NKAIN3: variants seen among roughly 807,000 people sequenced by gnomAD.
The protein encoded by NKAIN3 is sodium/potassium transporting ATPase interacting 3, also known as sodium/potassium-transporting ATPase subunit beta-1-interacting protein 3.
NKAIN3 carries 25 observed loss-of-function variants against 30.2 expected under a neutral mutation model. The observed-to-expected ratio is 0.83, with a 90% CI of 0.60 to 1.16. The LOEUF is 1.16. NKAIN3 is among the 50% of genes most tolerant of loss of function. The pLI, the probability that NKAIN3 is intolerant of heterozygous loss-of-function variation, is 0.00. For synonymous variants in NKAIN3, 91 were observed against 89.6 expected (o/e 1.02, Z -0.09); for missense variants, 225 against 254.1 (o/e 0.89, Z 0.78).
At chr8:62,579,389 C>T in intron 1 of NKAIN3, 150 bp from the exon 2 acceptor site, 1 of 546,590 alleles carries the variant, frequency 1.8e-6, no homozygotes, top group Non-Finnish European at 3.1e-6. Flanking sequence ...TAAAACAGCA[C>T]ATGAAATAAG....
intron 4 of NKAIN3, among the ~76,000 whole-genome samples, chr8:62,916,483 T>C (rs1822108434): frequency 1.3e-5 from 2 of 152,168 alleles, no homozygotes; most frequent in East Asian, 1.9e-4. Context: ...AATGGGTTGG[T>C]AGAATACAGT....
At chr8:62,414,719 A>C (rs1307712369) in intron 1 of NKAIN3, among the ~76,000 whole-genome samples, 2 of 152,090 alleles carry the variant, frequency 1.3e-5, no homozygotes, top group African/African-American at 4.8e-5. Context: ...TCAGGGTCTT[A>C]GTCAGCAGTC....
intron 3 of NKAIN3, among the ~76,000 whole-genome samples, chr8:62,612,956 AT>A (rs1811339867): frequency 6.6e-6 from 1 of 151,972 alleles, no homozygotes; most frequent in Non-Finnish European, 1.5e-5. Flanking sequence ...TTCTATTTAT[AT>A]TTTATTGTAA....
In NKAIN3 at chr8:62,841,184, T is replaced by C. The variant is rs572836341; in HGVS notation, c.472-77269T>C. 1.2e-4 allele frequency among the ~76,000 whole-genome samples: 19 copies of C among 152,280 alleles called. No homozygotes were observed. In the South Asian group the frequency reaches 3.7e-3, roughly 30 times the overall value. ...AGGAGTTCAATATAATATTTTTAAA[T>C]TGATAAATTATAATAATCATAATTG... On this transcript the variant is annotated intron_variant, in intron 4 of 6. Transcript: ENST00000623646.
intron 5 of NKAIN3, among the ~76,000 whole-genome samples, chr8:62,924,636 C>A (rs192465412): frequency 1.3e-5 from 2 of 152,286 alleles, no homozygotes; most frequent in East Asian, 3.9e-4. Flanking sequence ...CTGACTCTTC[C>A]CTGATTGTCC....
At chr8:62,827,509 AT>A (rs1352644663) in intron 4 of NKAIN3, among the ~76,000 whole-genome samples, 1 of 152,146 alleles carries the variant, frequency 6.6e-6, no homozygotes, top group Non-Finnish European at 1.5e-5. Flanking sequence ...TTAACTTGAA[AT>A]TTTTATGTAA....
At chr8:62,732,647 A>C (rs1054380402) in intron 3 of NKAIN3, among the ~76,000 whole-genome samples, 1 of 152,102 alleles carries the variant, frequency 6.6e-6, no homozygotes, top group East Asian at 1.9e-4. Flanking sequence ...GGACTTGACA[A>C]TTACTACACA....
chr8:62,536,418 A>G (rs1585919222), intron 1 of NKAIN3, among the ~76,000 whole-genome samples: 2 of 152,276 alleles, frequency 1.3e-5, no homozygotes, highest in East Asian at 1.9e-4. Flanking sequence ...TAGTTTAACA[A>G]TAATGTTAAC....
chr8:62,746,784 A>T, intron 3 of NKAIN3, 148 bp from the exon 4 acceptor site: 1 of 580,932 alleles, frequency 1.7e-6, no homozygotes, highest in Middle Eastern at 4.7e-4. Flanking sequence ...ACATGCAGCC[A>T]CTTGGGGCTT....
rs1333279449 is a variant in NKAIN3, at chr8:62,299,638, A to C, written c.54+50511A>C. On this transcript the variant is annotated intron_variant, in intron 1 of 6. Transcript: ENST00000623646. ...TAGAGAAATACACATTTGATTGTAA[A>C]TTTAGGACTTGATGTTGACTCAAAA... Among the ~76,000 whole-genome samples, 5 of 151,936 alleles carry C rather than the reference A, an allele frequency of 3.3e-5. No homozygotes were observed. In the East Asian group the frequency reaches 9.7e-4, roughly 29 times the overall value.
intron 3 of NKAIN3, among the ~76,000 whole-genome samples, chr8:62,746,450 AT>A (rs1197664204): frequency 5.3e-5 from 8 of 152,222 alleles, no homozygotes; most frequent in African/African-American, 1.9e-4. Context: ...GGAGGCAATT[AT>A]TCAGCCTGCT....
At chr8:62,749,045 C>A (rs1816182392) in intron 4 of NKAIN3, among the ~76,000 whole-genome samples, 1 of 151,766 alleles carries the variant, frequency 6.6e-6, no homozygotes. Flanking sequence ...CTCTATTATC[C>A]TATACTAGAT....
In NKAIN3 at chr8:62,668,068, G is replaced by A. The variant is rs550322438; in HGVS notation, c.273+78274G>A. On this transcript the variant is annotated intron_variant, in intron 3 of 6. Coordinates refer to ENST00000623646, the MANE Select transcript of NKAIN3 (RefSeq NM_001304533.3). ...TAGAAGATGCCCTTGAACACCCTAC[G>A]TAAATCCAGGCCCCACCTCACACAC... 4.0e-5 allele frequency among the ~76,000 whole-genome samples: 6 copies of A among 151,010 alleles called. No homozygotes were observed. The South Asian group carries it at 8.3e-4, about 21-fold the overall frequency.
intron 4 of NKAIN3, among the ~76,000 whole-genome samples, chr8:62,785,487 G>A (rs1456007776): frequency 3.3e-5 from 5 of 152,114 alleles, no homozygotes; most frequent in Non-Finnish European, 7.4e-5. Context: ...TTGCAATTAT[G>A]TGAATGTTCT....
intron 4 of NKAIN3, among the ~76,000 whole-genome samples, chr8:62,904,982 T>C (rs1199920765): frequency 3.9e-5 from 6 of 152,120 alleles, no homozygotes; most frequent in Non-Finnish European, 7.3e-5. Flanking sequence ...ATCAGGTCTC[T>C]CGGAGGGTAG....
chr8:62,798,146 C>G (rs931746570), intron 4 of NKAIN3, among the ~76,000 whole-genome samples: 6 of 152,126 alleles, frequency 3.9e-5, no homozygotes, highest in Admixed American at 3.3e-4. Flanking sequence ...GACAATTCCT[C>G]ATGATGTGAG....
intron 1 of NKAIN3, among the ~76,000 whole-genome samples, chr8:62,485,849 C>T (rs984454901): frequency 6.6e-6 from 1 of 152,154 alleles, no homozygotes; most frequent in African/African-American, 2.4e-5. Context: ...ATGAACCCTG[C>T]AGGAAAGTGT....
At chr8:62,420,878 T>C (rs1804616670) in intron 1 of NKAIN3, among the ~76,000 whole-genome samples, 1 of 152,226 alleles carries the variant, frequency 6.6e-6, no homozygotes, top group South Asian at 2.1e-4. Context: ...AATATGGTTT[T>C]GGGTAATAAC....
chr8:62,358,614 A>G (rs1396391926), intron 1 of NKAIN3, among the ~76,000 whole-genome samples: 1 of 152,216 alleles, frequency 6.6e-6, no homozygotes, highest in Non-Finnish European at 1.5e-5. Flanking sequence ...TGTGCACCTC[A>G]GGATTCTCAG....
Sources: allele counts gnomAD v4.1 joint callset (sites outside exome capture counted in the v4.1 genomes callset), GRCh38; gene constraint gnomAD v4.1.1; transcripts MANE v1.5; gene names NCBI Gene and HGNC (gene_info 2026-07-23, HGNC 2026-07-21).